CNTN3: variants seen among roughly 807,000 people sequenced by gnomAD.
CNTN3 encodes contactin 3.
Under a neutral mutation model 119.1 loss-of-function variants are expected in CNTN3, and 60 were observed. The ratio of observed to expected loss-of-function variants is 0.50; its 90% CI spans 0.41 to 0.62. The LOEUF (loss-of-function observed/expected upper bound fraction) is 0.62, where lower values mean the gene tolerates loss of function less well. CNTN3 is among the 20% of genes least tolerant of loss of function. CNTN3 has a pLI of 0.00. For missense variants in CNTN3, 1,101 were observed against 1,242.4 expected (o/e 0.89, Z 1.71); for synonymous variants, 450 against 438.7 (o/e 1.03, Z -0.32).
At chr3:74,417,019 C>T (rs144757167) in intron 5 of CNTN3, among the ~76,000 whole-genome samples, 1 of 151,666 alleles carries the variant, frequency 6.6e-6, no homozygotes, top group Non-Finnish European at 1.5e-5. Flanking sequence ...AAGCAACAGA[C>T]CTAGGTGCCC....
At chr3:74,464,255 G>T (rs901484088) in intron 4 of CNTN3, among the ~76,000 whole-genome samples, 1 of 152,030 alleles carries the variant, frequency 6.6e-6, no homozygotes, top group African/African-American at 2.4e-5. Context: ...AATTACAATA[G>T]CTCAAAAATA....
intron 1 of CNTN3, among the ~76,000 whole-genome samples, chr3:74,597,104 C>A (rs1173808372): frequency 6.6e-6 from 1 of 152,058 alleles, no homozygotes; most frequent in Non-Finnish European, 1.5e-5. Flanking sequence ...AAGGAAACTC[C>A]AGTCTCTACC....
chr3:74,410,456 G>A (rs1252056810), intron 5 of CNTN3, among the ~76,000 whole-genome samples: 7 of 152,142 alleles, frequency 4.6e-5, no homozygotes, highest in South Asian at 2.1e-4. Context: ...GATGTCAGGT[G>A]TACTGCTTCT....
chr3:74,369,338 C>T lies in CNTN3; in HGVS notation c.797G>A (p.Gly266Glu). The T allele has an allele frequency of 6.2e-7, 1 of 1,605,870 alleles. No individual in the cohort carries two copies. ...IPQINWRRSD[G>E]LPFSSKIKLR... ...TTTAATTTTGCTGGAAAATGGCAGC[C>T]CATCACTTCTTCTCCAATTAATCTG... Residue 266 changes from glycine to glutamate, a missense_variant, in exon 8 of 23, where the codon GGG becomes GAG. Physicochemically the swap from Gly to Glu is moderately conservative, Grantham distance 98. Coordinates refer to ENST00000263665, the MANE Select transcript of CNTN3 (RefSeq NM_020872.3).
intron 1 of CNTN3, among the ~76,000 whole-genome samples, chr3:74,613,563 GTAA>G (rs2106722528): frequency 6.6e-6 from 1 of 152,228 alleles, no homozygotes; most frequent in Admixed American, 6.5e-5. Flanking sequence ...TCTCCTTGTT[GTAA>G]ATCAATAAGC....
chr3:74,532,797 G>T (rs1325302323), intron 1 of CNTN3, among the ~76,000 whole-genome samples: 2 of 151,956 alleles, frequency 1.3e-5, no homozygotes, highest in Non-Finnish European at 2.9e-5. Context: ...TGAAACCACA[G>T]AAAATGATAC....
At chr3:74,487,044 C>T (rs1227125674) in intron 3 of CNTN3, among the ~76,000 whole-genome samples, 1 of 152,146 alleles carries the variant, frequency 6.6e-6, no homozygotes, top group Non-Finnish European at 1.5e-5. Flanking sequence ...TGACTGAGCA[C>T]ATTTAATAAA....
At position 74,546,082 on chromosome 3, in the gene CNTN3, G is replaced by A. The variant is rs984212202; in HGVS notation, c.-80-24890C>T. ...GCGATCTCGGCTCACTGCAAGCTCC[G>A]CCTCCCAGGTTCATGCCATTCTCCT... On this transcript the variant is annotated intron_variant, in intron 1 of 22. Transcript: ENST00000263665. Among the ~76,000 whole-genome samples, 7 of 151,692 alleles carry A rather than the reference G, an allele frequency of 4.6e-5. No individual in the cohort carries two copies. The East Asian group carries it at 5.8e-4, about 13-fold the overall frequency.
intron 2 of CNTN3, among the ~76,000 whole-genome samples, chr3:74,518,959 C>A (rs1008249341): frequency 1.3e-5 from 2 of 151,732 alleles, no homozygotes; most frequent in African/African-American, 4.8e-5. Context: ...GTGACCATGT[C>A]TTTTATCCTT....
intron 13 of CNTN3, among the ~76,000 whole-genome samples, chr3:74,332,878 G>A (rs1003189243): frequency 2.0e-5 from 3 of 152,226 alleles, no homozygotes; most frequent in African/African-American, 7.2e-5. Flanking sequence ...ATTGGGTAAA[G>A]GGTCTTTATG....
intron 13 of CNTN3, among the ~76,000 whole-genome samples, chr3:74,330,279 C>T (rs908392522): frequency 1.3e-5 from 2 of 151,778 alleles, no homozygotes; most frequent in Non-Finnish European, 2.9e-5. Context: ...TCATTTGAAC[C>T]TGGGAGGCAG....
At position 74,381,738 on chromosome 3, in the gene CNTN3, T is replaced by C. The variant is rs1425320337; in HGVS notation, c.455-10339A>G. ...CTCTATGACTCTGTAGAAAAGTCTTTCAAAGCCTGAAAAAATAATTGCAAC... is the reference window on the plus strand; with the variant it reads ...CTCTATGACTCTGTAGAAAAGTCTTCCAAAGCCTGAAAAAATAATTGCAAC... On this transcript the variant is annotated intron_variant, in intron 5 of 22. Transcript: ENST00000263665. 2.0e-5 allele frequency among the ~76,000 whole-genome samples: 3 copies of C among 152,144 alleles called. No homozygotes were observed. The East Asian group carries it at 5.8e-4, about 29-fold the overall frequency.
intron 5 of CNTN3, among the ~76,000 whole-genome samples, chr3:74,395,690 G>A (rs892445151): frequency 3.9e-5 from 6 of 152,018 alleles, no homozygotes; most frequent in African/African-American, 1.4e-4. Context: ...ATTTAGCAGA[G>A]AGGTTTTCAG....
chr3:74,330,706 G>A (rs1380268355), intron 13 of CNTN3, among the ~76,000 whole-genome samples: 1 of 152,086 alleles, frequency 6.6e-6, no homozygotes, highest in Non-Finnish European at 1.5e-5. Context: ...ACAGCACCAT[G>A]CATGTTATTG....
Position 74,366,776 on chromosome 3 carries a change from G to GTATATATATATATATA in CNTN3, c.947-1075_947-1074insTATATATATATATATA, listed in dbSNP as rs1416469987. ...TGTGTGTGCGTGTGTGTGTGTGTGT[G>GTATATATATATATATA]TGTGTATATATATATATATATATAT... On this transcript the variant is annotated intron_variant, in intron 8 of 22. Transcript: ENST00000263665. 4.1e-3 allele frequency among the ~76,000 whole-genome samples: 147 copies of GTATATATATATATATA among 35,540 alleles called. 2 individuals are homozygous for GTATATATATATATATA. The highest frequency in any genetic ancestry group is 0.021 in the African/African-American group (138 of 6,674). 23.3% of individuals were successfully genotyped at this position (35,540 alleles called of 152,430 possible).
At chr3:74,299,989 T>C (rs1240624927) in intron 16 of CNTN3, 51 bp from the exon 17 acceptor site, 1 of 1,188,912 alleles carries the variant, frequency 8.4e-7, no homozygotes. Context: ...TTTAGTAATA[T>C]TTATCTAAAA....
intron 3 of CNTN3, 30 bp downstream of exon 3, chr3:74,499,629 T>A (rs766067200): frequency 6.3e-7 from 1 of 1,579,296 alleles, no homozygotes. Flanking sequence ...TTAGTTTTTT[T>A]TATTTGAATT....
chr3:74,321,492 G>C (rs1174765353), intron 13 of CNTN3, among the ~76,000 whole-genome samples: 1 of 151,922 alleles, frequency 6.6e-6, no homozygotes, highest in Admixed American at 6.6e-5. Context: ...TAAGCTTTTT[G>C]CTTCAGAAAA....
intron 20 of CNTN3, among the ~76,000 whole-genome samples, chr3:74,273,326 G>T (rs542015446): frequency 6.6e-6 from 1 of 152,158 alleles, no homozygotes; most frequent in South Asian, 2.1e-4. Context: ...CTGCAGCTCC[G>T]ACTCGGATGG....
Sources: allele counts gnomAD v4.1 joint callset (sites outside exome capture counted in the v4.1 genomes callset), GRCh38; gene constraint gnomAD v4.1.1; transcripts MANE v1.5; gene names NCBI Gene and HGNC (gene_info 2026-07-23, HGNC 2026-07-21).